FNDC3A: variants seen among roughly 807,000 people sequenced by gnomAD.
The protein encoded by FNDC3A is fibronectin type-III domain-containing protein 3A.
In FNDC3A, 32 loss-of-function variants were observed where a neutral mutation model predicts 148.9. The observed-to-expected ratio is 0.21, with a 90% CI of 0.16 to 0.29. The LOEUF (loss-of-function observed/expected upper bound fraction) is 0.29. FNDC3A is among the 10% of genes least tolerant of loss of function. The pLI is 1.00. For synonymous variants in FNDC3A, 472 were observed against 473.6 expected, an observed-to-expected ratio of 1.00 and a Z score of 0.04; for missense variants, 1,191 against 1,452.8, an observed-to-expected ratio of 0.82 and a Z score of 2.93.
intron 8 of FNDC3A, among the ~76,000 whole-genome samples, chr13:49,164,943 A>G (rs1884373710): frequency 6.6e-6 from 1 of 152,206 alleles, no homozygotes; most frequent in East Asian, 1.9e-4. Flanking sequence ...AGCTGTTTTT[A>G]GTCCTTTGTT....
Position 49,136,607 on chromosome 13 carries a change from T to C in FNDC3A, c.760+6T>C. 1 of 1,610,688 alleles carries C rather than the reference T, an allele frequency of 6.2e-7. No individual in the cohort carries two copies. Among genetic ancestry groups the C allele is most frequent in the South Asian group, 1.1e-5 (1 of 90,972 alleles). ...AGTTGATACAGAAATTGAAGGTAAC[T>C]GTTTGAAGTACTGAACTGTTCTCAT... On this transcript the variant is annotated splice_donor_region_variant and intron_variant, in intron 6 of 25. Transcript: ENST00000492622.
At chr13:48,988,040 A>T (rs1158164573) in intron 1 of FNDC3A, 2 of 152,194 alleles carry the variant, frequency 1.3e-5, no homozygotes, top group Admixed American at 6.5e-5. Flanking sequence ...CAACAAAGAT[A>T]AAAAAAGACA....
At chr13:49,076,481 G>A (rs886959105) in intron 3 of FNDC3A, among the ~76,000 whole-genome samples, 3 of 151,838 alleles carry the variant, frequency 2.0e-5, no homozygotes, top group East Asian at 1.9e-4. Flanking sequence ...CTGACCTCAG[G>A]TGATCCGCCC....
At chr13:49,150,720 G>A (rs1883239925) in intron 8 of FNDC3A, among the ~76,000 whole-genome samples, 1 of 152,080 alleles carries the variant, frequency 6.6e-6, no homozygotes, top group Non-Finnish European at 1.5e-5. Flanking sequence ...GCCGAGGTGG[G>A]CAGATCACGA....
chr13:49,161,110 G>C (rs1884080618), intron 8 of FNDC3A, among the ~76,000 whole-genome samples: 1 of 152,198 alleles, frequency 6.6e-6, no homozygotes, highest in African/African-American at 2.4e-5. Flanking sequence ...ATTTGGGGTG[G>C]AGAGTTCTGT....
rs1357370671 is a variant in FNDC3A at position 49,209,053 on chromosome 13, TG to T, written c.*1659del. 1.3e-5 allele frequency: 2 copies of T among 152,662 alleles called. No homozygotes were observed. The highest frequency in any genetic ancestry group is 2.9e-5 in the Non-Finnish European group (2 of 68,032). 9.5% of individuals were successfully genotyped at this position (152,662 alleles called of 1,614,324 possible). On this transcript the variant is annotated 3_prime_UTR_variant, in exon 26 of 26. Coordinates refer to ENST00000492622, the MANE Select transcript of FNDC3A (RefSeq NM_001079673.2). ...AGAATGACCTGTCACTATAATATAC[TG>T]TATGTTTACATTTTATTTAAATTTA...
chr13:49,110,067 T>G (rs1880446878), intron 3 of FNDC3A, among the ~76,000 whole-genome samples: 1 of 152,218 alleles, frequency 6.6e-6, no homozygotes, highest in Non-Finnish European at 1.5e-5. Context: ...TATATATTTC[T>G]GAAAAGTATA....
chr13:49,099,003 A>G (rs533812882), intron 3 of FNDC3A, among the ~76,000 whole-genome samples: 1 of 152,256 alleles, frequency 6.6e-6, no homozygotes, highest in South Asian at 2.1e-4. Flanking sequence ...CCTGCCTTAT[A>G]TGAATAAATG....
intron 2 of FNDC3A, among the ~76,000 whole-genome samples, chr13:49,026,509 T>C (rs563860298): frequency 3.3e-4 from 50 of 152,268 alleles, no homozygotes; most frequent in African/African-American, 1.2e-3. Context: ...TTGTTTTGTT[T>C]TATTGTTTTT....
intron 13 of FNDC3A, among the ~76,000 whole-genome samples, chr13:49,178,344 G>A (rs1885135507): frequency 2.6e-5 from 4 of 152,170 alleles, no homozygotes; most frequent in African/African-American, 9.7e-5. Flanking sequence ...TATATTTACT[G>A]AGACTAAGTG....
At chr13:49,037,112 C>G (rs1874550687) in intron 2 of FNDC3A, among the ~76,000 whole-genome samples, 1 of 152,140 alleles carries the variant, frequency 6.6e-6, no homozygotes, top group Admixed American at 6.5e-5. Flanking sequence ...TCATGTGCGT[C>G]CACTTGGCTA....
rs746070946 is a variant in FNDC3A, at chr13:49,187,162, T to C, written c.1797T>C (p.Tyr599=). The C allele has an allele frequency of 2.9e-5, 47 of 1,612,806 alleles. No individual in the cohort carries two copies. The highest frequency in any genetic ancestry group is 4.5e-5 in the East Asian group (2 of 44,832). ...KDNGGATINK[Y]VVEMAEGSNG... is the part of the protein sequence containing the mutation. ...ATGGCGGAGCAACCATCAATAAATA[T>C]GTAGTGGAGATGGCAGAAGGTTCTA... Residue 599 remains tyrosine (Y), a synonymous_variant, in exon 16 of 26, where the codon TAT becomes TAC. Transcript: ENST00000492622.
chr13:49,103,043 A>G (rs1373102937), intron 3 of FNDC3A, among the ~76,000 whole-genome samples: 1 of 152,244 alleles, frequency 6.6e-6, no homozygotes, highest in Non-Finnish European at 1.5e-5. Flanking sequence ...CTTACTGTGT[A>G]CCAAACACTG....
intron 1 of FNDC3A, among the ~76,000 whole-genome samples, chr13:48,993,565 A>G (rs1310356166): frequency 6.6e-6 from 1 of 152,206 alleles, no homozygotes; most frequent in African/African-American, 2.4e-5. Context: ...TTTTTAATGA[A>G]GATGTGTACA....
intron 2 of FNDC3A, among the ~76,000 whole-genome samples, chr13:49,065,087 T>G (rs1245832934): frequency 6.6e-6 from 1 of 152,204 alleles, no homozygotes; most frequent in African/African-American, 2.4e-5. Context: ...ATTTGCTCCA[T>G]TTCTGCTCTC....
At chr13:49,162,142 G>A (rs1469071532) in intron 8 of FNDC3A, among the ~76,000 whole-genome samples, 1 of 152,112 alleles carries the variant, frequency 6.6e-6, no homozygotes, top group Non-Finnish European at 1.5e-5. Context: ...TCGTAAATTT[G>A]AATGTTGGCC....
chr13:49,062,944 T>A (rs1876998665), intron 2 of FNDC3A, among the ~76,000 whole-genome samples: 1 of 152,232 alleles, frequency 6.6e-6, no homozygotes, highest in African/African-American at 2.4e-5. Flanking sequence ...TATTTTAACT[T>A]AAAATAGGTC....
chr13:49,134,026 TC>T (rs1463789205), intron 5 of FNDC3A, among the ~76,000 whole-genome samples: 1 of 152,208 alleles, frequency 6.6e-6, no homozygotes, highest in Non-Finnish European at 1.5e-5. Flanking sequence ...ATTTTACACT[TC>T]AGTGGTTTTT....
chr13:48,992,110 A>T (rs1419136994), intron 1 of FNDC3A, among the ~76,000 whole-genome samples: 2 of 152,178 alleles, frequency 1.3e-5, no homozygotes, highest in Admixed American at 1.3e-4. Flanking sequence ...CAAGTTGGGG[A>T]TTGTCTGTAT....
Sources: gnomAD v4.1 joint callset for allele counts (sites outside exome capture counted in the v4.1 genomes callset) on GRCh38, gnomAD v4.1.1 for gene constraint, MANE v1.5 for transcripts, NCBI Gene and HGNC (gene_info 2026-07-23, HGNC 2026-07-21) for gene names.